TMEM87B: variants seen among roughly 807,000 people sequenced by gnomAD.
TMEM87B encodes the protein transmembrane protein 87B.
A neutral mutation model predicts 80.3 loss-of-function variants in TMEM87B; 83 were observed. That is an observed-to-expected ratio of 1.03 (90% CI 0.87 to 1.24). The LOEUF (loss-of-function observed/expected upper bound fraction) is 1.24. Among genes scored for constraint, TMEM87B ranks in the 50% most tolerant of loss-of-function variants. The probability of loss-of-function intolerance (pLI) is 0.00; values close to 1 mark genes in which losing one functional copy is unlikely to be tolerated. For synonymous variants in TMEM87B, 219 were observed against 230.5 expected (o/e 0.95, Z 0.45); for missense variants, 625 against 674.4 (o/e 0.93, Z 0.81).
intron 4 of TMEM87B, among the ~76,000 whole-genome samples, chr2:112,074,105 C>T (rs530803344): frequency 3.9e-5 from 6 of 152,098 alleles, no homozygotes; most frequent in African/African-American, 9.6e-5. Flanking sequence ...TGGGTTTGAT[C>T]GTGTCATCAT....
chr2:112,076,428 C>T lies in TMEM87B; in HGVS notation c.502-764C>T, dbSNP rs529939532. On this transcript the variant is annotated intron_variant, in intron 5 of 18. Transcript: ENST00000283206. ...GATCTCAGCTCACTGCAACCTCCGC[C>T]TCCCAAGTTCAAGCGATTCTTCTGT... 2.0e-5 allele frequency among the ~76,000 whole-genome samples: 3 copies of T among 152,176 alleles called. No homozygotes were observed. The East Asian group carries it at 5.8e-4, about 30-fold the overall frequency.
Position 112,097,246 on chromosome 2 carries a change from T to C in TMEM87B, c.1227T>C (p.Phe409=). ...LIFAVLASIV[F]MGWTTKTFRI... ...TGTGTGTTTCAGCTTCTATAGTGTT[T>C]ATGGGGTGGACAACTAAGACATTTA... Residue 409 remains phenylalanine, a synonymous_variant, in exon 13 of 19, where the codon TTT becomes TTC. Coordinates refer to ENST00000283206, the MANE Select transcript of TMEM87B (RefSeq NM_032824.3). The C allele has an allele frequency of 6.2e-7, 1 of 1,610,268 alleles. No homozygotes were observed. Among genetic ancestry groups the C allele is most frequent in the African/African-American group, 1.3e-5 (1 of 74,744 alleles).
intron 18 of TMEM87B, among the ~76,000 whole-genome samples, chr2:112,115,602 AT>A (rs1441421576): frequency 6.6e-6 from 1 of 152,228 alleles, no homozygotes; most frequent in African/African-American, 2.4e-5. Context: ...AATTTCAATA[AT>A]ACATTAATTT....
intron 3 of TMEM87B, 95 bp downstream of exon 3, chr2:112,064,348 G>A: frequency 1.9e-6 from 2 of 1,068,250 alleles, no homozygotes; most frequent in Non-Finnish European, 2.8e-6. Flanking sequence ...TAGAAATAGA[G>A]ATTACAGTTT....
chr2:112,064,219 A>T lies in TMEM87B; in HGVS notation c.284A>T (p.Tyr95Phe). 6.2e-7 allele frequency: 1 copy of T among 1,613,840 alleles called. No homozygotes were observed. Among genetic ancestry groups the T allele is most frequent in the Non-Finnish European group, 8.5e-7 (1 of 1,179,886 alleles). The change falls in exon 3 of 19, where the codon TAT (tyrosine) becomes TTT (phenylalanine). Residue 95 changes from tyrosine (Y) to phenylalanine (F), a missense_variant. Coordinates refer to ENST00000283206, the MANE Select transcript of TMEM87B (RefSeq NM_032824.3). ...TTTACCATAGTGTGGCATTTGAAGT[A>T]TCATACCTGTCACAATGAGCATTCT... The part of the protein sequence containing the change: ...VKFTIVWHLK[Y>F]HTCHNEHSNL...
intron 17 of TMEM87B, among the ~76,000 whole-genome samples, chr2:112,110,865 G>A (rs188879776): frequency 5.9e-5 from 9 of 152,158 alleles, no homozygotes; most frequent in East Asian, 3.9e-4. Context: ...TGTCCCACTC[G>A]ATTTGAGCCC....
At chr2:112,080,905 C>G in intron 6 of TMEM87B, 152 bp from the exon 7 acceptor site, 1 of 639,426 alleles carries the variant, frequency 1.6e-6, no homozygotes, top group Admixed American at 3.0e-5. Context: ...CATAATCAAA[C>G]AAATACTAAT....
intron 6 of TMEM87B, among the ~76,000 whole-genome samples, chr2:112,080,065 G>T (rs890612883): frequency 1.3e-4 from 20 of 150,290 alleles, no homozygotes; most frequent in African/African-American, 4.9e-4. Flanking sequence ...AAGTAGCTGG[G>T]ATTATAGGTG....
chr2:112,095,161 CTTTCTTTTTTTTTTTTTTTTTTTT>C (rs1573716429), intron 11 of TMEM87B: 1 of 656,178 alleles, frequency 1.5e-6, no homozygotes, highest in South Asian at 7.4e-5. Flanking sequence ...TCTTTTCTTT[CTTTCTTTTTTTTTTTTTTTTTTTT>C]TTTTTTTTTT....
intron 16 of TMEM87B, among the ~76,000 whole-genome samples, chr2:112,107,456 AGT>A (rs1679802345): frequency 6.6e-6 from 1 of 151,944 alleles, no homozygotes; most frequent in African/African-American, 2.4e-5. Flanking sequence ...AGGCATAATG[AGT>A]GTGGCAAAGC....
At chr2:112,069,572 G>A (rs1297182224) in intron 4 of TMEM87B, among the ~76,000 whole-genome samples, 1 of 152,192 alleles carries the variant, frequency 6.6e-6, no homozygotes, top group East Asian at 1.9e-4. Context: ...TACCATTGAT[G>A]GGAATTTAGG....
chr2:112,067,674 T>C (rs1482176690), intron 4 of TMEM87B, among the ~76,000 whole-genome samples: 1 of 152,228 alleles, frequency 6.6e-6, no homozygotes, highest in African/African-American at 2.4e-5. Flanking sequence ...TGCAAGGTTC[T>C]TTTATATCTG....
chr2:112,070,012 AT>A (rs1160577976), intron 4 of TMEM87B, among the ~76,000 whole-genome samples: 2 of 150,364 alleles, frequency 1.3e-5, no homozygotes, highest in Non-Finnish European at 3.0e-5. Context: ...CCTCTTTTTA[AT>A]TTTTTTTTGT....
At chr2:112,060,933 T>C (rs1476696836) in intron 2 of TMEM87B, among the ~76,000 whole-genome samples, 3 of 152,186 alleles carry the variant, frequency 2.0e-5, no homozygotes, top group Admixed American at 2.0e-4. Flanking sequence ...CAAAAAAAAT[T>C]TGTTTTTTGT....
intron 2 of TMEM87B, 75 bp from the exon 3 acceptor site, chr2:112,064,087 C>A (rs1031467157): frequency 7.9e-7 from 1 of 1,268,808 alleles, no homozygotes; most frequent in Non-Finnish European, 1.1e-6. Context: ...TTTTTAATTG[C>A]ATTCTCAAAA....
intron 1 of TMEM87B, among the ~76,000 whole-genome samples, chr2:112,057,678 A>G (rs1678121479): frequency 6.6e-6 from 1 of 152,242 alleles, no homozygotes; most frequent in Non-Finnish European, 1.5e-5. Context: ...AATTTTAGCC[A>G]CAGCCCCTTC....
chr2:112,070,331 C>T (rs571167097), intron 4 of TMEM87B, among the ~76,000 whole-genome samples: 8 of 152,244 alleles, frequency 5.3e-5, no homozygotes, highest in African/African-American at 1.7e-4. Flanking sequence ...CTCTTTAATC[C>T]ATCTTGAGTT....
At chr2:112,104,379 A>G (rs1679709715) in intron 15 of TMEM87B, among the ~76,000 whole-genome samples, 1 of 152,194 alleles carries the variant, frequency 6.6e-6, no homozygotes, top group East Asian at 1.9e-4. Context: ...TCAATAAATG[A>G]TAACCTATGT....
chr2:112,057,463 TA>T (rs1473523353), intron 1 of TMEM87B, among the ~76,000 whole-genome samples: 1 of 152,178 alleles, frequency 6.6e-6, no homozygotes, highest in Non-Finnish European at 1.5e-5. Flanking sequence ...TTTGTAGAGA[TA>T]GGGGTCTCAC....
Sources: gnomAD v4.1 joint callset for allele counts (sites outside exome capture counted in the v4.1 genomes callset) on GRCh38, gnomAD v4.1.1 for gene constraint, MANE v1.5 for transcripts, NCBI Gene and HGNC (gene_info 2026-07-23, HGNC 2026-07-21) for gene names.